THSD7B: variants seen among roughly 807,000 people sequenced by gnomAD.
THSD7B encodes thrombospondin type 1 domain containing 7B.
In THSD7B, 138 loss-of-function variants were observed where a neutral mutation model predicts 213.6. The ratio of observed to expected loss-of-function variants is 0.65; its 90% confidence interval spans 0.56 to 0.74. THSD7B has a LOEUF of 0.74. THSD7B is among the 30% of genes least tolerant of loss of function. The pLI is 0.00. For missense variants in THSD7B, 1,931 were observed against 1,991.5 expected (o/e 0.97, Z 0.58); for synonymous variants, 742 against 687.0 (o/e 1.08, Z -1.25).
intron 3 of THSD7B, among the ~76,000 whole-genome samples, chr2:137,071,661 G>A (rs1344441372): frequency 6.6e-6 from 1 of 151,220 alleles, no homozygotes; most frequent in African/African-American, 2.4e-5. Flanking sequence ...GTATTGCCTA[G>A]GTTTTAGGTG....
chr2:137,303,662 TTA>T, intron 12 of THSD7B, among the ~76,000 whole-genome samples: 1 of 128,886 alleles, frequency 7.8e-6, no homozygotes, highest in Non-Finnish European at 1.6e-5. Flanking sequence ...ATTTTCGTGT[TTA>T]TATATATTAA....
Position 137,676,694 on chromosome 2 carries a change from T to C in THSD7B, c.*89T>C. ...AGACTTCTCAGTTTTTTGAGGAATC[T>C]CAAGATGTGATATATTGGGCAGAAT... On this transcript the variant is annotated 3_prime_UTR_variant, in exon 28 of 28. Coordinates refer to ENST00000409968, the MANE Select transcript of THSD7B (RefSeq NM_001316349.2). 8.4e-7 allele frequency: 1 copy of C among 1,195,598 alleles called. No individual in the cohort carries two copies. Among genetic ancestry groups the C allele is most frequent in the Non-Finnish European group, 1.1e-6 (1 of 871,070 alleles). The allele number at this position is 1,195,598 out of a possible 1,614,324, so 74.1% of individuals were successfully genotyped here.
intron 14 of THSD7B, among the ~76,000 whole-genome samples, chr2:137,444,221 C>T (rs1285361958): frequency 1.3e-5 from 2 of 151,892 alleles, no homozygotes. Context: ...AATGGTATTT[C>T]CAAGAAAATG....
intron 15 of THSD7B, among the ~76,000 whole-genome samples, chr2:137,499,115 G>A (rs923145236): frequency 1.3e-5 from 2 of 152,182 alleles, no homozygotes; most frequent in Admixed American, 1.3e-4. Flanking sequence ...CCTCTTGCAG[G>A]AGAAGGGTAA....
At chr2:137,142,617 CATA>C (rs1573849772) in intron 5 of THSD7B, among the ~76,000 whole-genome samples, 1 of 152,030 alleles carries the variant, frequency 6.6e-6, no homozygotes, top group East Asian at 1.9e-4. Flanking sequence ...GTATATAAGC[CATA>C]ATATTTATCT....
At chr2:137,226,960 A>G (rs931363120) in intron 7 of THSD7B, among the ~76,000 whole-genome samples, 1 of 152,218 alleles carries the variant, frequency 6.6e-6, no homozygotes, top group African/African-American at 2.4e-5. Context: ...CCAAAATACT[A>G]TGCTTAAAGA....
chr2:137,405,542 G>C, intron 12 of THSD7B, 71 bp from the exon 13 acceptor site: 2 of 1,445,460 alleles, frequency 1.4e-6, no homozygotes, highest in Non-Finnish European at 1.9e-6. Context: ...GGATTCTGCT[G>C]TCTTGTCAAA....
intron 1 of THSD7B, among the ~76,000 whole-genome samples, chr2:136,870,794 G>A (rs1420221260): frequency 6.6e-6 from 1 of 152,182 alleles, no homozygotes. Context: ...AGTTCAACTA[G>A]CAGAGTCTTA....
At chr2:136,810,591 A>C (rs1270877234) in intron 1 of THSD7B, among the ~76,000 whole-genome samples, 1 of 152,216 alleles carries the variant, frequency 6.6e-6, no homozygotes, top group South Asian at 2.1e-4. Flanking sequence ...TGGTTGTTGG[A>C]TGGTGCCAAT....
chr2:136,893,534 G>A (rs564726343), intron 2 of THSD7B, among the ~76,000 whole-genome samples: 90 of 152,208 alleles, frequency 5.9e-4, no homozygotes, highest in African/African-American at 2.2e-3. Flanking sequence ...ATATCAGAGT[G>A]GAATTGAATC....
intron 2 of THSD7B, among the ~76,000 whole-genome samples, chr2:137,055,466 G>A (rs1040198420): frequency 6.6e-6 from 1 of 151,908 alleles, no homozygotes; most frequent in East Asian, 1.9e-4. Flanking sequence ...TTTCATTGTT[G>A]TTGACACAAA....
At chr2:137,000,216 C>T (rs1558882483) in intron 2 of THSD7B, among the ~76,000 whole-genome samples, 1 of 152,056 alleles carries the variant, frequency 6.6e-6, no homozygotes, top group African/African-American at 2.4e-5. Context: ...TCCTGAGTCC[C>T]TCCTCCTTCA....
At chr2:137,150,672 A>G (rs1296683483) in intron 5 of THSD7B, among the ~76,000 whole-genome samples, 1 of 152,178 alleles carries the variant, frequency 6.6e-6, no homozygotes, top group African/African-American at 2.4e-5. Flanking sequence ...TCACAGGAAC[A>G]TGGGAATGGA....
At chr2:137,519,391 T>C (rs1433351008) in intron 15 of THSD7B, among the ~76,000 whole-genome samples, 1 of 152,222 alleles carries the variant, frequency 6.6e-6, no homozygotes, top group Non-Finnish European at 1.5e-5. Context: ...TTTTCAATAC[T>C]GCTGAAACCA....
At chr2:136,928,421 C>T (rs1019893221) in intron 2 of THSD7B, among the ~76,000 whole-genome samples, 1 of 152,102 alleles carries the variant, frequency 6.6e-6, no homozygotes, top group Non-Finnish European at 1.5e-5. Flanking sequence ...ATTTTGAAAG[C>T]ATTTGTATAG....
chr2:137,599,402 C>T (rs186866434), intron 17 of THSD7B, among the ~76,000 whole-genome samples: 3,350 of 151,882 alleles, frequency 0.022, 69 homozygotes, highest in Non-Finnish European at 0.03. Context: ...TCATCACTGG[C>T]CATCAGAGAA....
chr2:137,309,951 A>G (rs60620468), intron 12 of THSD7B, among the ~76,000 whole-genome samples: 8,067 of 151,356 alleles, frequency 0.053, 271 homozygotes, highest in East Asian at 0.093. Context: ...ATTGTGAATA[A>G]TGCTGCAATA....
chr2:137,535,833 G>A (rs1462968614), intron 15 of THSD7B, among the ~76,000 whole-genome samples: 1 of 151,458 alleles, frequency 6.6e-6, no homozygotes, highest in South Asian at 2.1e-4. Flanking sequence ...ATGATGTGAG[G>A]GGGATGCTGC....
chr2:137,271,462 A>T (rs1573924811), intron 10 of THSD7B, among the ~76,000 whole-genome samples: 1 of 144,340 alleles, frequency 6.9e-6, no homozygotes, highest in African/African-American at 2.6e-5. Flanking sequence ...TATAATATAT[A>T]ATATAATATA....
Sources: gnomAD v4.1 joint callset for allele counts (sites outside exome capture counted in the v4.1 genomes callset) on GRCh38, gnomAD v4.1.1 for gene constraint, MANE v1.5 for transcripts, NCBI Gene and HGNC (gene_info 2026-07-23, HGNC 2026-07-21) for gene names.